Variants in PRKCE observed in about 807,000 individuals in gnomAD.
PRKCE encodes the protein protein kinase C epsilon type.
In PRKCE, 16 loss-of-function variants were observed where a neutral mutation model predicts 85.4. That is an observed-to-expected ratio of 0.19 (90% confidence interval 0.13 to 0.28). The LOEUF is 0.28. Ranked by LOEUF, PRKCE falls within the 10% of genes least tolerant of loss-of-function variation. PRKCE has a pLI of 1.00. For missense variants in PRKCE, 573 were observed against 975.2 expected (o/e 0.59, Z 5.49); for synonymous variants, 388 against 371.5 (o/e 1.04, Z -0.51).
intron 1 of PRKCE, among the ~76,000 whole-genome samples, chr2:45,810,901 A>AGT (rs61145510): frequency 0.072 from 11,009 of 152,282 alleles, 429 homozygotes; most frequent in Middle Eastern, 0.18. Flanking sequence ...ATAACACAGA[A>AGT]GTGTCCTCTA....
At chr2:45,709,926 C>T (rs1419179824) in intron 1 of PRKCE, among the ~76,000 whole-genome samples, 1 of 152,192 alleles carries the variant, frequency 6.6e-6, no homozygotes, top group Non-Finnish European at 1.5e-5. Flanking sequence ...TCTCATGCCT[C>T]AGCCTCCTGG....
In PRKCE at chr2:46,139,725, C is replaced by CAT. The variant is rs1675325674; in HGVS notation, c.1593-5361_1593-5360dup. On this transcript the variant is annotated intron_variant, in intron 11 of 14. Coordinates refer to ENST00000306156, the MANE Select transcript of PRKCE (RefSeq NM_005400.3). The surrounding 1 kb of genome is among the most constrained non-coding windows in gnomAD (Gnocchi z 5.2). The stretch of plus-strand genomic sequence containing the variant: ...GTATATATATACATATATACATATA[C>CAT]ATATATATCTAGAGAGAGAGAGAGA... Among the ~76,000 whole-genome samples, 1 of 150,276 alleles carries CAT rather than the reference C, an allele frequency of 6.7e-6. No individual in the cohort carries two copies. The highest frequency in any genetic ancestry group is 1.5e-5 in the Non-Finnish European group (1 of 67,698).
intron 2 of PRKCE, among the ~76,000 whole-genome samples, chr2:45,915,451 A>T (rs978185491): frequency 6.6e-6 from 1 of 152,154 alleles, no homozygotes; most frequent in Non-Finnish European, 1.5e-5. Context: ...GTTTTGTATG[A>T]GTATTTTAGA....
At chr2:45,928,370 C>G (rs1226796956) in intron 2 of PRKCE, among the ~76,000 whole-genome samples, 1 of 152,236 alleles carries the variant, frequency 6.6e-6, no homozygotes, top group African/African-American at 2.4e-5. Flanking sequence ...CGGGTTGAAG[C>G]AATTCTCATG....
intron 1 of PRKCE, among the ~76,000 whole-genome samples, chr2:45,794,701 C>A (rs1014557553): frequency 1.3e-5 from 2 of 152,166 alleles, no homozygotes; most frequent in African/African-American, 4.8e-5. Flanking sequence ...CTCTGACTTC[C>A]TTTCTTCCTC....
intron 9 of PRKCE, 59 bp from the exon 10 acceptor site, chr2:46,010,285 C>T (rs1261244380): frequency 2.0e-6 from 3 of 1,485,224 alleles, no homozygotes; most frequent in African/African-American, 1.4e-5. Flanking sequence ...TATTAGCTTA[C>T]ACTTCTTCTT....
chr2:46,133,228 C>G (rs940190379), intron 11 of PRKCE, among the ~76,000 whole-genome samples: 1 of 152,220 alleles, frequency 6.6e-6, no homozygotes, highest in African/African-American at 2.4e-5. Context: ...ACTCTTGGTC[C>G]TTTAGCTGGA....
At chr2:45,695,114 G>A (rs1169969486) in intron 1 of PRKCE, among the ~76,000 whole-genome samples, 1 of 152,156 alleles carries the variant, frequency 6.6e-6, no homozygotes, top group Non-Finnish European at 1.5e-5. Context: ...CAGCAGCTTG[G>A]ATGTATTCCT....
chr2:46,153,769 C>T (rs1676880899), intron 13 of PRKCE, among the ~76,000 whole-genome samples: 1 of 141,694 alleles, frequency 7.1e-6, no homozygotes, highest in Non-Finnish European at 1.5e-5. Context: ...TCCTCTTCCT[C>T]TTCTTCTTCT....
chr2:45,981,473 C>G (rs939635647), intron 5 of PRKCE, among the ~76,000 whole-genome samples: 3 of 152,230 alleles, frequency 2.0e-5, no homozygotes, highest in African/African-American at 7.2e-5. Flanking sequence ...TCTTCTCTCT[C>G]CTTCTGCTTT....
intron 1 of PRKCE, among the ~76,000 whole-genome samples, chr2:45,782,806 G>A (rs1165347916): frequency 1.3e-5 from 2 of 151,762 alleles, no homozygotes; most frequent in African/African-American, 4.8e-5. Flanking sequence ...CCCAGAAAAG[G>A]GGAAAAATAC....
At chr2:46,109,289 T>C (rs1010939308) in intron 11 of PRKCE, among the ~76,000 whole-genome samples, 3 of 152,170 alleles carry the variant, frequency 2.0e-5, no homozygotes, top group Non-Finnish European at 4.4e-5. Context: ...TTGGGGACAA[T>C]TGACATCTTA....
chr2:45,878,025 C>T (rs906882763), intron 2 of PRKCE, among the ~76,000 whole-genome samples: 1 of 152,206 alleles, frequency 6.6e-6, no homozygotes, highest in East Asian at 1.9e-4. Flanking sequence ...TTCTTCCCTG[C>T]TATTATAAAC....
chr2:45,874,876 C>T (rs1694355511), intron 2 of PRKCE, among the ~76,000 whole-genome samples: 1 of 152,118 alleles, frequency 6.6e-6, no homozygotes, highest in Admixed American at 6.5e-5. Flanking sequence ...ATTCTACTTG[C>T]CTAGTTCTGG....
At chr2:45,933,698 G>A (rs1032607536) in intron 2 of PRKCE, among the ~76,000 whole-genome samples, 1 of 151,802 alleles carries the variant, frequency 6.6e-6, no homozygotes, top group Admixed American at 6.6e-5. Flanking sequence ...GGATGGTCTC[G>A]ATCTCCTGAC....
chr2:45,827,721 C>T (rs371085205), intron 1 of PRKCE, among the ~76,000 whole-genome samples: 51 of 152,140 alleles, frequency 3.4e-4, no homozygotes, highest in African/African-American at 1.0e-3. Context: ...AAAATCATGT[C>T]CTCCTTCTTA....
chr2:46,187,596 AC>A lies in PRKCE; in HGVS notation c.*2716del, dbSNP rs1284870501. On this transcript the variant is annotated 3_prime_UTR_variant, in exon 15 of 15. Coordinates refer to ENST00000306156, the MANE Select transcript of PRKCE (RefSeq NM_005400.3). ...AAAAAAAAATGGGAGTGCAAAAAAA[AC>A]AAAGCCAAAAAATATATGAAGGATA... 2 of 152,550 alleles carry A rather than the reference AC, an allele frequency of 1.3e-5. No individual in the cohort carries two copies. Among genetic ancestry groups the A allele is most frequent in the Non-Finnish European group, 2.9e-5 (2 of 68,022 alleles). 9.4% of individuals were successfully genotyped at this position (152,550 alleles called of 1,614,324 possible). A position where few individuals can be genotyped will look rare whatever the true frequency, so the allele number is the denominator to read the frequency against.
chr2:46,074,429 C>CAAAAAAAAAAAAAAAAAAAAACAACA (rs11287357), intron 10 of PRKCE, among the ~76,000 whole-genome samples: 1 of 93,886 alleles, frequency 1.1e-5, no homozygotes, highest in African/African-American at 4.2e-5. Flanking sequence ...CAACAACAAC[C>CAAAAAAAAAAAAAAAAAAAAACAACA]AAAAAAAAAA....
intron 2 of PRKCE, among the ~76,000 whole-genome samples, chr2:45,889,823 C>T (rs185510325): frequency 5.3e-5 from 8 of 152,330 alleles, no homozygotes; most frequent in South Asian, 2.1e-4. Context: ...ACAAAGGTCA[C>T]GCACTCCTCC....
Sources: allele counts gnomAD v4.1 joint callset (sites outside exome capture counted in the v4.1 genomes callset), GRCh38; gene constraint gnomAD v4.1.1; non-coding constraint Gnocchi (gnomAD v3.1); transcripts MANE v1.5; gene names NCBI Gene and HGNC (gene_info 2026-07-23, HGNC 2026-07-21).